HEXB: variants seen among roughly 807,000 people sequenced by gnomAD.
HEXB encodes the protein hexosaminidase subunit beta, also known as beta-hexosaminidase subunit beta.
HEXB carries 51 observed loss-of-function variants against 71.2 expected under a neutral mutation model. That is an observed-to-expected ratio of 0.72 (90% CI 0.57 to 0.90). The LOEUF (loss-of-function observed/expected upper bound fraction) is 0.90. HEXB is among the 40% of genes least tolerant of loss of function. HEXB has a pLI of 0.00. For synonymous variants in HEXB, 266 were observed against 249.3 expected, an observed-to-expected ratio of 1.07 and a Z score of -0.63; for missense variants, 617 against 677.0, an observed-to-expected ratio of 0.91 and a Z score of 0.98.
chr5:74,640,242 C>CA (rs879664813), exon 1 of HEXB: 1 of 152,840 alleles, frequency 6.5e-6, no homozygotes, highest in Non-Finnish European at 1.5e-5. Flanking sequence ...CACACCCCTG[C>CA]AGCCGAAGCA....
At chr5:74,696,383 C>T (rs916862931) in intron 3 of HEXB, among the ~76,000 whole-genome samples, 1 of 152,100 alleles carries the variant, frequency 6.6e-6, no homozygotes, top group Non-Finnish European at 1.5e-5. Flanking sequence ...TATTAAGGAA[C>T]CAGTATTTTA....
At chr5:74,655,625 G>A (rs936862542) in intron 1 of HEXB, among the ~76,000 whole-genome samples, 7 of 152,114 alleles carry the variant, frequency 4.6e-5, no homozygotes, top group East Asian at 1.9e-4. Flanking sequence ...ATGAGCCACC[G>A]CTCCTGGCCT....
intron 1 of HEXB, among the ~76,000 whole-genome samples, chr5:74,677,133 C>T (rs1748645782): frequency 6.6e-6 from 1 of 152,134 alleles, no homozygotes; most frequent in South Asian, 2.1e-4. Flanking sequence ...GATCTACCCG[C>T]CTCAGCCTCC....
rs1484727489 is a variant in HEXB, at chr5:74,693,457, G to A, written c.446-182G>A. ...GGAGGGAAGAGTTCTGTTGGGGCAT[G>A]TGGAGTCGAAGGAACCTGCAGGACA... On this transcript the variant is annotated intron_variant, in intron 2 of 13. Coordinates refer to ENST00000261416, the MANE Select transcript of HEXB (RefSeq NM_000521.4). 10 of 661,590 alleles carry A rather than the reference G, an allele frequency of 1.5e-5. No homozygotes were observed. The East Asian group carries it at 2.8e-4, about 18-fold the overall frequency. 41.0% of individuals were successfully genotyped at this position (661,590 alleles called of 1,614,324 possible).
chr5:74,650,314 C>A (rs978158189), intron 1 of HEXB, among the ~76,000 whole-genome samples: 18 of 152,316 alleles, frequency 1.2e-4, no homozygotes, highest in African/African-American at 4.1e-4. Context: ...CTACACTGAA[C>A]TTTTAGAGGA....
At chr5:74,703,969 G>A (rs11960152) in intron 5 of HEXB, among the ~76,000 whole-genome samples, 3,420 of 152,274 alleles carry the variant, frequency 0.022, 126 homozygotes, top group African/African-American at 0.078. Flanking sequence ...GTGAGCCACC[G>A]TGTCTGGCCT....
chr5:74,704,656 C>T (rs1259258824), intron 5 of HEXB, among the ~76,000 whole-genome samples: 2 of 152,210 alleles, frequency 1.3e-5, no homozygotes, highest in Non-Finnish European at 2.9e-5. Context: ...TATTGGGAAT[C>T]TTGCTCTCCT....
intron 6 of HEXB, 196 bp downstream of exon 6, chr5:74,705,516 T>TA (rs1749365918): frequency 1.8e-6 from 1 of 568,192 alleles, no homozygotes; most frequent in Admixed American, 3.0e-5. Flanking sequence ...ACGGTTACTG[T>TA]AATTGTTACT....
At chr5:74,669,590 G>A (rs1160402029) in intron 1 of HEXB, among the ~76,000 whole-genome samples, 1 of 152,000 alleles carries the variant, frequency 6.6e-6, no homozygotes, top group Non-Finnish European at 1.5e-5. Flanking sequence ...ACACTGAATA[G>A]GATCTATATC....
chr5:74,667,556 G>A (rs1748455432), intron 1 of HEXB, among the ~76,000 whole-genome samples: 1 of 152,208 alleles, frequency 6.6e-6, no homozygotes, highest in African/African-American at 2.4e-5. Flanking sequence ...GAATTAGTCA[G>A]TTTTCAAGTT....
intron 1 of HEXB, among the ~76,000 whole-genome samples, chr5:74,670,729 G>T (rs974371632): frequency 6.6e-6 from 1 of 152,200 alleles, no homozygotes; most frequent in Non-Finnish European, 1.5e-5. Flanking sequence ...GGGTGCACCT[G>T]CCCGGGCGCC....
At chr5:74,649,547 G>A (rs568624722) in intron 1 of HEXB, among the ~76,000 whole-genome samples, 24 of 152,292 alleles carry the variant, frequency 1.6e-4, no homozygotes, top group African/African-American at 5.8e-4. Context: ...CTATTTTCCT[G>A]ATTATCTAAG....
chr5:74,713,537 C>A lies in HEXB; in HGVS notation c.803C>A (p.Pro268Gln), dbSNP rs1255748128. 2 of 1,610,784 alleles carry A rather than the reference C, an allele frequency of 1.2e-6. No individual in the cohort carries two copies. The highest frequency in any genetic ancestry group is 2.2e-5 in the East Asian group (1 of 44,860). Residue 268 changes from proline to glutamine, a missense_variant, in exon 7 of 14, where the codon CCA becomes CAA. Transcript: ENST00000261416. ...TATTCTTTGTCTCATGTTTATACAC[C>A]AAATGATGTCCGTATGGTGATTGAA... ...GSYSLSHVYTPNDVRMVIEYA... is the reference protein window; with the variant it reads ...GSYSLSHVYTQNDVRMVIEYA...
At chr5:74,685,145 C>A, upstream of HEXB, 1 of 1,129,390 alleles carries the variant, frequency 8.9e-7, no homozygotes, top group Non-Finnish European at 1.2e-6. Flanking sequence ...CGGGCGCGCG[C>A]AGTCATCTGA....
At chr5:74,720,598 ATAAATT>A (rs748958953) in intron 12 of HEXB, 39 bp from the exon 13 acceptor site, 4 of 1,602,504 alleles carry the variant, frequency 2.5e-6, no homozygotes, top group Non-Finnish European at 3.4e-6. Context: ...AGTGCTAAAC[ATAAATT>A]TAAACTGCTT....
At chr5:74,668,415 A>G (rs1227529447) in intron 1 of HEXB, among the ~76,000 whole-genome samples, 2 of 152,136 alleles carry the variant, frequency 1.3e-5, no homozygotes, top group African/African-American at 4.8e-5. Context: ...TTTCTTTGCT[A>G]TGTAAGAGAA....
intron 6 of HEXB, among the ~76,000 whole-genome samples, chr5:74,710,905 G>T (rs1749524515): frequency 6.6e-6 from 1 of 152,102 alleles, no homozygotes; most frequent in Non-Finnish European, 1.5e-5. Context: ...AGCTACCAAT[G>T]ACTTTCTTCA....
At chr5:74,651,034 G>A (rs1453817052) in intron 1 of HEXB, among the ~76,000 whole-genome samples, 1 of 152,006 alleles carries the variant, frequency 6.6e-6, no homozygotes, top group Non-Finnish European at 1.5e-5. Context: ...GGATGATTTG[G>A]GATAATTTTC....
At chr5:74,648,432 A>G (rs1328455395) in intron 1 of HEXB, among the ~76,000 whole-genome samples, 3 of 152,262 alleles carry the variant, frequency 2.0e-5, no homozygotes, top group African/African-American at 7.2e-5. Flanking sequence ...ACAAGAGGAA[A>G]GGTGCAGTCC....
Sources: gnomAD v4.1 joint callset for allele counts (sites outside exome capture counted in the v4.1 genomes callset) on GRCh38, gnomAD v4.1.1 for gene constraint, MANE v1.5 for transcripts, NCBI Gene and HGNC (gene_info 2026-07-23, HGNC 2026-07-21) for gene names.